PCCA: variants seen among roughly 807,000 people sequenced by gnomAD.
The protein encoded by PCCA is propionyl-CoA carboxylase subunit alpha.
A neutral mutation model predicts 101.3 loss-of-function variants in PCCA; 74 were observed. The observed-to-expected ratio is 0.73, with a 90% CI of 0.61 to 0.89. The LOEUF (loss-of-function observed/expected upper bound fraction) is 0.89. Among genes scored for constraint, PCCA ranks in the 40% least tolerant of loss-of-function variants. The pLI, the probability that PCCA is intolerant of heterozygous loss-of-function variation, is 0.00. For synonymous variants in PCCA, 294 were observed against 313.6 expected (o/e 0.94, Z 0.66); for missense variants, 891 against 907.0 (o/e 0.98, Z 0.23).
chr13:100,375,457 G>A (rs887534141), intron 19 of PCCA, among the ~76,000 whole-genome samples: 1 of 152,190 alleles, frequency 6.6e-6, no homozygotes, highest in African/African-American at 2.4e-5. Context: ...AATATTGACA[G>A]TGGGGTTGTT....
At chr13:100,292,332 C>G (rs1345110890) in intron 12 of PCCA, among the ~76,000 whole-genome samples, 1 of 152,224 alleles carries the variant, frequency 6.6e-6, no homozygotes, top group Non-Finnish European at 1.5e-5. Flanking sequence ...AATTCTAGTT[C>G]TCTTCCTTCT....
chr13:100,344,049 C>T (rs1453067280), intron 18 of PCCA, among the ~76,000 whole-genome samples: 3 of 151,974 alleles, frequency 2.0e-5, no homozygotes, highest in South Asian at 2.1e-4. Flanking sequence ...CACTCCAGCC[C>T]GGGTAACAGA....
intron 21 of PCCA, chr13:100,490,461 G>T (rs935347538): frequency 6.6e-5 from 10 of 152,222 alleles, no homozygotes; most frequent in Non-Finnish European, 1.3e-4. Context: ...CTGTTTAGAA[G>T]AACATGCACA....
At chr13:100,512,445 C>A (rs2086552841) in intron 21 of PCCA, among the ~76,000 whole-genome samples, 2 of 152,226 alleles carry the variant, frequency 1.3e-5, no homozygotes, top group African/African-American at 4.8e-5. Flanking sequence ...AGCAACTGTT[C>A]TGTTCTCACT....
At chr13:100,180,520 C>T (rs995086972) in intron 6 of PCCA, among the ~76,000 whole-genome samples, 3 of 152,174 alleles carry the variant, frequency 2.0e-5, no homozygotes, top group Admixed American at 6.5e-5. Context: ...CATAAGACAA[C>T]CCATGGGAAC....
At chr13:100,480,823 A>G (rs1192063475) in intron 21 of PCCA, among the ~76,000 whole-genome samples, 1 of 152,208 alleles carries the variant, frequency 6.6e-6, no homozygotes, top group Non-Finnish European at 1.5e-5. Context: ...CCTGCATGAC[A>G]GTCACGAAGG....
chr13:100,138,665 T>C (rs1481996628), intron 4 of PCCA, among the ~76,000 whole-genome samples: 5 of 152,102 alleles, frequency 3.3e-5, no homozygotes, highest in African/African-American at 9.7e-5. Flanking sequence ...CTGGGTGCAA[T>C]AGCTCACGCC....
At chr13:100,254,118 T>A (rs1389839240) in intron 8 of PCCA, among the ~76,000 whole-genome samples, 1 of 151,920 alleles carries the variant, frequency 6.6e-6, no homozygotes, top group Non-Finnish European at 1.5e-5. Context: ...AAGAAGAGAA[T>A]GAGTGCCAGC....
chr13:100,319,347 C>T (rs964657690), intron 16 of PCCA, among the ~76,000 whole-genome samples: 8 of 151,958 alleles, frequency 5.3e-5, no homozygotes, highest in East Asian at 1.9e-4. Context: ...TAATTAGATC[C>T]CATTTGTCAA....
rs148330636 is a variant in PCCA at position 100,127,848 on chromosome 13, C to T, written c.300+15787C>T. 8.4e-3 allele frequency among the ~76,000 whole-genome samples: 1,271 copies of T among 152,146 alleles called. 15 individuals carry two copies. Among genetic ancestry groups the T allele is most frequent in the African/African-American group, 0.029 (1,208 of 41,512 alleles). ...CAGAGCTTGCACTGAGCCGAGATCGCGCCACTGCACTTCAGCCTGGGCGAC... is the reference window on the plus strand; with the variant it reads ...CAGAGCTTGCACTGAGCCGAGATCGTGCCACTGCACTTCAGCCTGGGCGAC... On this transcript the variant is annotated intron_variant, in intron 4 of 23. Coordinates refer to ENST00000376285, the MANE Select transcript of PCCA (RefSeq NM_000282.4).
chr13:100,119,604 G>A (rs998729283), intron 4 of PCCA, among the ~76,000 whole-genome samples: 2 of 152,082 alleles, frequency 1.3e-5, no homozygotes, highest in Admixed American at 6.5e-5. Context: ...AGACATTTTC[G>A]TTTACTTTGA....
chr13:100,369,515 T>A (rs950549094), intron 19 of PCCA, among the ~76,000 whole-genome samples: 3 of 152,216 alleles, frequency 2.0e-5, no homozygotes, highest in Admixed American at 6.5e-5. Flanking sequence ...GCATGCCTAC[T>A]GTGCACCAGA....
chr13:100,204,225 G>A (rs893018097), intron 6 of PCCA, among the ~76,000 whole-genome samples: 2 of 151,998 alleles, frequency 1.3e-5, no homozygotes, highest in African/African-American at 4.8e-5. Context: ...TACCCGCTGG[G>A]CTCAAGCAAT....
At chr13:100,186,359 G>A (rs1055009457) in intron 6 of PCCA, among the ~76,000 whole-genome samples, 1 of 152,152 alleles carries the variant, frequency 6.6e-6, no homozygotes, top group Non-Finnish European at 1.5e-5. Flanking sequence ...ATATGGCCAC[G>A]AGAAAGATTT....
intron 4 of PCCA, among the ~76,000 whole-genome samples, chr13:100,112,409 A>G (rs1027842461): frequency 2.0e-5 from 3 of 152,304 alleles, no homozygotes; most frequent in Admixed American, 1.3e-4. Context: ...TAGCTTCAGT[A>G]TCACTAAGGG....
chr13:100,185,405 A>G (rs2057167687), intron 6 of PCCA, among the ~76,000 whole-genome samples: 1 of 151,088 alleles, frequency 6.6e-6, no homozygotes, highest in Non-Finnish European at 1.5e-5. Flanking sequence ...GCTGGAGTGC[A>G]GTGGTATGAT....
chr13:100,237,806 A>G (rs1401239465), intron 8 of PCCA, among the ~76,000 whole-genome samples: 1 of 152,162 alleles, frequency 6.6e-6, no homozygotes, highest in East Asian at 1.9e-4. Flanking sequence ...AAGAAAATTT[A>G]CAGTTACACT....
intron 6 of PCCA, among the ~76,000 whole-genome samples, chr13:100,187,943 T>C (rs1233674216): frequency 6.9e-6 from 1 of 145,480 alleles, no homozygotes; most frequent in African/African-American, 2.5e-5. Flanking sequence ...CATTGTATCA[T>C]TCCTATACCT....
chr13:100,458,054 T>G lies in PCCA; in HGVS notation c.1899+8749T>G, dbSNP rs757581679. Among the ~76,000 whole-genome samples, 26 of 152,168 alleles carry G rather than the reference T, an allele frequency of 1.7e-4. 1 individual carries two copies. Among genetic ancestry groups the G allele is most frequent in the Non-Finnish European group, 2.8e-4 (19 of 68,024 alleles). On this transcript the variant is annotated intron_variant, in intron 21 of 23. Coordinates refer to ENST00000376285, the MANE Select transcript of PCCA (RefSeq NM_000282.4). ...ACCACCTTCTGTTTATAGAACCCCA[T>G]GTCTGCTTATAGATTTCAGATTTTA...
Sources: allele counts gnomAD v4.1 joint callset (sites outside exome capture counted in the v4.1 genomes callset), GRCh38; gene constraint gnomAD v4.1.1; transcripts MANE v1.5; gene names NCBI Gene and HGNC (gene_info 2026-07-23, HGNC 2026-07-21).